Variants in MTF2 observed in about 807,000 individuals in gnomAD.
The protein encoded by MTF2 is metal response element binding transcription factor 2.
MTF2 carries 11 observed loss-of-function variants against 79.5 expected under a neutral mutation model. That is an observed-to-expected ratio of 0.14 (90% confidence interval 0.09 to 0.23). The LOEUF (loss-of-function observed/expected upper bound fraction) is 0.23, where lower values mean the gene tolerates loss of function less well. Among genes scored for constraint, MTF2 ranks in the 10% least tolerant of loss-of-function variants. The pLI is 1.00. For missense variants in MTF2, 486 were observed against 711.2 expected (o/e 0.68, Z 3.60); for synonymous variants, 208 against 232.8 (o/e 0.89, Z 0.97).
intron 1 of MTF2, among the ~76,000 whole-genome samples, chr1:93,109,227 G>A (rs1027697597): frequency 6.6e-6 from 1 of 152,056 alleles, no homozygotes; most frequent in African/African-American, 2.4e-5. Flanking sequence ...ATGGTGGTAT[G>A]CTTTGCTGTT....
chr1:93,125,270 T>C (rs191331967), intron 9 of MTF2, among the ~76,000 whole-genome samples: 1 of 151,620 alleles, frequency 6.6e-6, no homozygotes, highest in East Asian at 1.9e-4. Context: ...TGGTTTCTTT[T>C]TTGATATGAT....
intron 1 of MTF2, among the ~76,000 whole-genome samples, chr1:93,098,609 C>G (rs1655396669): frequency 6.6e-6 from 1 of 152,076 alleles, no homozygotes; most frequent in African/African-American, 2.4e-5. Flanking sequence ...TTAAAATGTT[C>G]TGTTTAATTA....
At chr1:93,129,502 A>G in intron 11 of MTF2, 54 bp downstream of exon 11, 1 of 1,356,708 alleles carries the variant, frequency 7.4e-7, no homozygotes, top group Non-Finnish European at 9.8e-7. Context: ...GTAACTAAAA[A>G]TGTATGTTAT....
At chr1:93,090,664 GTT>G (rs373876716) in intron 1 of MTF2, among the ~76,000 whole-genome samples, 7 of 139,128 alleles carry the variant, frequency 5.0e-5, no homozygotes, top group Middle Eastern at 3.7e-3. Context: ...ATTTTTCCTA[GTT>G]TTTTTTTTTT....
At chr1:93,115,672 A>G in intron 6 of MTF2, 54 bp downstream of exon 6, 3 of 1,396,618 alleles carry the variant, frequency 2.1e-6, no homozygotes, top group South Asian at 1.7e-5. Flanking sequence ...TTACTTATCT[A>G]TTTTTCTTGA....
chr1:93,105,362 C>T (rs941324245), intron 1 of MTF2, among the ~76,000 whole-genome samples: 2 of 152,056 alleles, frequency 1.3e-5, no homozygotes, highest in Non-Finnish European at 2.9e-5. Flanking sequence ...TATTCTACCC[C>T]CCATCCCCAA....
At chr1:93,114,405 G>C (rs544661019) in intron 3 of MTF2, among the ~76,000 whole-genome samples, 1 of 152,194 alleles carries the variant, frequency 6.6e-6, no homozygotes, top group African/African-American at 2.4e-5. Context: ...TCACCTTTAA[G>C]AGTGGGAATA....
chr1:93,119,381 C>T lies in MTF2; in HGVS notation c.777C>T (p.Leu259=). Residue 259 remains leucine, a synonymous_variant, in exon 8 of 15, where the codon CTC becomes CTT. Coordinates refer to ENST00000370298, the MANE Select transcript of MTF2 (RefSeq NM_007358.4). ...TCTGCAGTTCTGGACCAGAATACCT[C>T]AAACGTCTACCATTACAGTGGTAAG... ...CSVCSSGPEY[L]KRLPLQWVDI... The T allele has an allele frequency of 1.9e-6, 3 of 1,602,910 alleles. No individual in the cohort carries two copies. Among genetic ancestry groups the T allele is most frequent in the Non-Finnish European group, 2.6e-6 (3 of 1,175,176 alleles).
chr1:93,083,209 C>G (rs1329621192), intron 1 of MTF2, among the ~76,000 whole-genome samples: 2 of 152,110 alleles, frequency 1.3e-5, no homozygotes, highest in African/African-American at 2.4e-5. Flanking sequence ...TTTTAAACAA[C>G]CAGAGAACTC....
At chr1:93,100,845 T>G (rs1283133575) in intron 1 of MTF2, among the ~76,000 whole-genome samples, 1 of 152,216 alleles carries the variant, frequency 6.6e-6, no homozygotes, top group African/African-American at 2.4e-5. Context: ...ACCTGTTGCT[T>G]CCCTTATACC....
At chr1:93,134,730 C>T (rs2101100098) in intron 14 of MTF2, among the ~76,000 whole-genome samples, 1 of 151,660 alleles carries the variant, frequency 6.6e-6, no homozygotes, top group East Asian at 1.9e-4. Flanking sequence ...TGCTAATTTG[C>T]CCAGGCTGGT....
intron 1 of MTF2, among the ~76,000 whole-genome samples, chr1:93,105,490 G>A (rs1557548805): frequency 6.6e-6 from 1 of 152,156 alleles, no homozygotes; most frequent in African/African-American, 2.4e-5. Flanking sequence ...GTTATAATCT[G>A]TTTTGCAGTT....
rs369415062 is a variant in MTF2, at chr1:93,125,191, A to G, written c.922-2041A>G. On this transcript the variant is annotated intron_variant, in intron 9 of 14. Transcript: ENST00000370298. Reference sequence around the variant, plus strand: ...CTCAGCAAATTTTCAGATTTTTCAGATATATGGTTTGTGAAGATTTAAAAG... The same window carrying G: ...CTCAGCAAATTTTCAGATTTTTCAGGTATATGGTTTGTGAAGATTTAAAAG... 1.6e-4 allele frequency among the ~76,000 whole-genome samples: 24 copies of G among 151,990 alleles called. No individual in the cohort carries two copies. In the South Asian group the frequency reaches 4.1e-3, roughly 26 times the overall value.
chr1:93,094,392 T>C (rs752188813), intron 1 of MTF2, among the ~76,000 whole-genome samples: 2 of 152,186 alleles, frequency 1.3e-5, no homozygotes, highest in South Asian at 2.1e-4. Context: ...CTGACTTCTG[T>C]GGTGATTATT....
chr1:93,079,668 T>G, intron 1 of MTF2, 137 bp downstream of exon 1: 1 of 1,066,702 alleles, frequency 9.4e-7, no homozygotes, highest in Non-Finnish European at 1.4e-6. Flanking sequence ...TGGGTGCCTT[T>G]GCATTTATGT....
At chr1:93,102,447 C>A (rs369609512) in intron 1 of MTF2, among the ~76,000 whole-genome samples, 3 of 151,974 alleles carry the variant, frequency 2.0e-5, no homozygotes, top group East Asian at 1.9e-4. Flanking sequence ...ATCAGGTGGG[C>A]GTGGTGGCAT....
intron 1 of MTF2, among the ~76,000 whole-genome samples, chr1:93,093,969 T>C (rs1488589312): frequency 6.6e-6 from 1 of 152,240 alleles, no homozygotes; most frequent in Non-Finnish European, 1.5e-5. Flanking sequence ...TTTAAGTGAA[T>C]AGTTCCACTG....
chr1:93,136,835 C>T lies in MTF2; in HGVS notation c.1590C>T (p.Leu530=). The T allele has an allele frequency of 1.9e-6, 3 of 1,614,156 alleles. No homozygotes were observed. Among genetic ancestry groups the T allele is most frequent in the Non-Finnish European group, 2.5e-6 (3 of 1,180,022 alleles). ...EGKEDYQFDE[L]NTEILNNLAD... The stretch of plus-strand genomic sequence containing the variant: ...AAGAAGATTATCAGTTTGATGAACT[C>T]AACACAGAGATTCTGAATAACTTAG... The change falls in exon 15 of 15, where the codon CTC becomes CTT. Residue 530 remains leucine (L), a synonymous_variant. Transcript: ENST00000370298.
At chr1:93,080,351 T>C (rs759993815) in intron 1 of MTF2, among the ~76,000 whole-genome samples, 22 of 152,228 alleles carry the variant, frequency 1.4e-4, no homozygotes, top group Non-Finnish European at 3.1e-4. Context: ...CTCTGTGTTT[T>C]ACAATCTGGT....
Sources: gnomAD v4.1 joint callset for allele counts (sites outside exome capture counted in the v4.1 genomes callset) on GRCh38, gnomAD v4.1.1 for gene constraint, MANE v1.5 for transcripts, NCBI Gene and HGNC (gene_info 2026-07-23, HGNC 2026-07-21) for gene names.